Variants in BMPR1B observed in about 807,000 individuals in gnomAD.
The protein encoded by BMPR1B is bone morphogenetic protein receptor type 1B, also known as bone morphogenetic protein receptor type-1B.
A neutral mutation model predicts 59.1 loss-of-function variants in BMPR1B; 12 were observed. The observed-to-expected ratio is 0.20, with a 90% CI of 0.13 to 0.33. The LOEUF is 0.33. BMPR1B is among the 10% of genes least tolerant of loss of function. The probability of loss-of-function intolerance (pLI) is 1.00; values close to 1 mark genes in which losing one functional copy is unlikely to be tolerated. For synonymous variants in BMPR1B, 237 were observed against 207.3 expected, an observed-to-expected ratio of 1.14 and a Z score of -1.23; for missense variants, 550 against 610.9, an observed-to-expected ratio of 0.90 and a Z score of 1.05.
At chr4:95,096,584 G>A (rs1730388256) in intron 3 of BMPR1B, among the ~76,000 whole-genome samples, 1 of 150,160 alleles carries the variant, frequency 6.7e-6, no homozygotes, top group Non-Finnish European at 1.5e-5. Context: ...TTATTTGCAC[G>A]CCAAAAATCC....
In BMPR1B at chr4:95,154,682, G is replaced by C. The variant is rs112333283; in HGVS notation, c.*9G>C. The C allele has an allele frequency of 4.0e-3, 6,382 of 1,613,944 alleles. 24 individuals are homozygous for C. Among genetic ancestry groups the C allele is most frequent in the Middle Eastern group, 5.6e-3 (34 of 6,060 alleles). On this transcript the variant is annotated 3_prime_UTR_variant, in exon 13 of 13. Coordinates refer to ENST00000515059, the MANE Select transcript of BMPR1B (RefSeq NM_001203.3). ...AGGACATTAAACTCTGATAGGAGAG[G>C]AAAAGTAAGCATCTCTGCAGAAAGC...
At chr4:95,094,303 A>C (rs1020788484) in intron 3 of BMPR1B, among the ~76,000 whole-genome samples, 1 of 152,008 alleles carries the variant, frequency 6.6e-6, no homozygotes, top group African/African-American at 2.4e-5. Context: ...TGAAAACCTT[A>C]TATTTTTATA....
At chr4:95,054,541 G>A (rs780027355) in intron 3 of BMPR1B, among the ~76,000 whole-genome samples, 1 of 152,102 alleles carries the variant, frequency 6.6e-6, no homozygotes, top group Non-Finnish European at 1.5e-5. Context: ...AAAATCTGTA[G>A]TGTTAATTTC....
chr4:94,908,086 A>AG (rs1728122873), intron 2 of BMPR1B, among the ~76,000 whole-genome samples: 1 of 122,064 alleles, frequency 8.2e-6, no homozygotes, highest in African/African-American at 4.5e-5. Context: ...AAAAAAAAAA[A>AG]AAAAGAAAAA....
intron 3 of BMPR1B, among the ~76,000 whole-genome samples, chr4:95,083,529 C>T (rs907035309): frequency 1.3e-5 from 2 of 152,050 alleles, no homozygotes; most frequent in East Asian, 1.9e-4. Flanking sequence ...GAGAGAGTTA[C>T]TACTGTAATA....
chr4:94,948,752 C>T (rs1729814115), intron 2 of BMPR1B, among the ~76,000 whole-genome samples: 1 of 152,046 alleles, frequency 6.6e-6, no homozygotes, highest in African/African-American at 2.4e-5. Context: ...ACAGAATCGC[C>T]TGGGTTATTT....
intron 10 of BMPR1B, among the ~76,000 whole-genome samples, chr4:95,138,518 A>C (rs1426841635): frequency 6.6e-6 from 1 of 151,944 alleles, no homozygotes; most frequent in Non-Finnish European, 1.5e-5. Context: ...ACTTGGTTCC[A>C]TTCTCCCCAT....
intron 1 of BMPR1B, among the ~76,000 whole-genome samples, chr4:94,820,073 A>C (rs1724148428): frequency 1.3e-5 from 2 of 152,202 alleles, no homozygotes; most frequent in Admixed American, 6.5e-5. Context: ...TCTCAACTAC[A>C]AAACTAAGAT....
At chr4:95,143,637 T>C (rs907801270) in intron 10 of BMPR1B, among the ~76,000 whole-genome samples, 2 of 152,220 alleles carry the variant, frequency 1.3e-5, no homozygotes, top group Non-Finnish European at 1.5e-5. Flanking sequence ...TTCTATATCA[T>C]ACCACTGTCA....
chr4:94,930,296 A>G (rs542541093), intron 2 of BMPR1B, among the ~76,000 whole-genome samples: 2 of 152,216 alleles, frequency 1.3e-5, no homozygotes, highest in African/African-American at 4.8e-5. Context: ...TTCTGGTTGC[A>G]TATGTCACCA....
rs141701555 is a variant in BMPR1B, at chr4:94,811,200, G to A, written c.-183+53132G>A. Among the ~76,000 whole-genome samples the A allele has an allele frequency of 1.2e-3, 186 of 152,272 alleles. 1 individual carries two copies. The highest frequency in any genetic ancestry group is 2.6e-3 in the Admixed American group (39 of 15,292). ...CTCATTGACATAAAGTCCAGAACAG[G>A]TTTTCTGACCAATAGCTGGCTGGCT... On this transcript the variant is annotated intron_variant, in intron 1 of 12. Transcript: ENST00000515059.
intron 3 of BMPR1B, among the ~76,000 whole-genome samples, chr4:95,093,944 G>A (rs1468287898): frequency 1.3e-5 from 2 of 152,044 alleles, no homozygotes; most frequent in Non-Finnish European, 2.9e-5. Context: ...TTCCATAAAA[G>A]ATACTGGTTG....
chr4:94,777,112 AGGTCC>A, intron 1 of BMPR1B, among the ~76,000 whole-genome samples: 1 of 152,274 alleles, frequency 6.6e-6, no homozygotes, highest in Non-Finnish European at 1.5e-5. Flanking sequence ...CTTTATGAAT[AGGTCC>A]TTTAATATTT....
At chr4:94,823,997 T>C (rs1028722538) in intron 1 of BMPR1B, among the ~76,000 whole-genome samples, 2 of 152,158 alleles carry the variant, frequency 1.3e-5, no homozygotes, top group South Asian at 2.1e-4. Flanking sequence ...CCACCCGCCT[T>C]GGCCTCCCAA....
chr4:94,893,532 A>G (rs569756223), intron 2 of BMPR1B, among the ~76,000 whole-genome samples: 1 of 152,120 alleles, frequency 6.6e-6, no homozygotes, highest in African/African-American at 2.4e-5. Context: ...TTTGGGACAC[A>G]CATTTTAGTA....
chr4:94,827,527 GAGTT>G (rs1724428384), intron 1 of BMPR1B, among the ~76,000 whole-genome samples: 1 of 152,154 alleles, frequency 6.6e-6, no homozygotes, highest in Admixed American at 6.5e-5. Context: ...GGCAGACACT[GAGTT>G]AGGCATGTGA....
At chr4:94,901,244 T>C (rs954046666) in intron 2 of BMPR1B, among the ~76,000 whole-genome samples, 15 of 151,956 alleles carry the variant, frequency 9.9e-5, no homozygotes, top group Admixed American at 5.3e-4. Flanking sequence ...AATACATAGA[T>C]TAAAATACAG....
intron 8 of BMPR1B, among the ~76,000 whole-genome samples, chr4:95,129,236 T>A (rs1471558163): frequency 6.6e-6 from 1 of 152,150 alleles, no homozygotes; most frequent in Non-Finnish European, 1.5e-5. Context: ...GCTCTCTGCT[T>A]AATGCTGAAG....
chr4:95,029,960 GTTGT>G (rs771693371), intron 3 of BMPR1B, among the ~76,000 whole-genome samples: 3 of 151,834 alleles, frequency 2.0e-5, no homozygotes, highest in Non-Finnish European at 2.9e-5. Flanking sequence ...TTTTGATGGG[GTTGT>G]TTGTTTTTTT....
Sources: gnomAD v4.1 joint callset for allele counts (sites outside exome capture counted in the v4.1 genomes callset) on GRCh38, gnomAD v4.1.1 for gene constraint, MANE v1.5 for transcripts, NCBI Gene and HGNC (gene_info 2026-07-23, HGNC 2026-07-21) for gene names.